FMNL2: variants seen among roughly 807,000 people sequenced by gnomAD.
FMNL2 encodes formin like 2, also known as formin-like protein 2.
Under a neutral mutation model 130.2 loss-of-function variants are expected in FMNL2, and 51 were observed. The observed-to-expected ratio is 0.39, with a 90% CI of 0.31 to 0.49. The LOEUF (loss-of-function observed/expected upper bound fraction) is 0.49, where lower values mean the gene tolerates loss of function less well. FMNL2 is among the 20% of genes least tolerant of loss of function. FMNL2 has a pLI of 0.85. For missense variants in FMNL2, 977 were observed against 1,316.2 expected, an observed-to-expected ratio of 0.74 and a Z score of 3.99; for synonymous variants, 465 against 467.1, an observed-to-expected ratio of 1.00 and a Z score of 0.06.
chr2:152,347,102 ATT>A lies in FMNL2; in HGVS notation c.117+11390_117+11391del, dbSNP rs58322808. Among the ~76,000 whole-genome samples the A allele has an allele frequency of 8.3e-4, 125 of 151,162 alleles. 1 individual carries two copies. The Middle Eastern group carries it at 0.014, about 17-fold the overall frequency. On this transcript the variant is annotated intron_variant, in intron 1 of 25. Coordinates refer to ENST00000288670, the MANE Select transcript of FMNL2 (RefSeq NM_052905.4). ...CGATATTCCGTCTCAAAAAAAAAAA[ATT>A]TTTTTTTCACAAACCAGACACAGTT...
chr2:152,528,527 C>T (rs1693520815), intron 2 of FMNL2, among the ~76,000 whole-genome samples: 2 of 152,172 alleles, frequency 1.3e-5, no homozygotes, highest in African/African-American at 2.4e-5. Flanking sequence ...TGGCCTTCTC[C>T]TCGTCTCTGT....
chr2:152,581,700 GC>G (rs1054438835), intron 9 of FMNL2, among the ~76,000 whole-genome samples: 13 of 152,220 alleles, frequency 8.5e-5, no homozygotes, highest in African/African-American at 3.1e-4. Flanking sequence ...AGGGTAGTGG[GC>G]AGTGTTGTAG....
At chr2:152,422,647 G>C (rs1686981540) in intron 1 of FMNL2, among the ~76,000 whole-genome samples, 1 of 152,024 alleles carries the variant, frequency 6.6e-6, no homozygotes, top group South Asian at 2.1e-4. Context: ...TCCTATCTCA[G>C]CCTCCCCAGG....
chr2:152,446,474 G>T (rs1688342339), intron 1 of FMNL2, among the ~76,000 whole-genome samples: 1 of 152,088 alleles, frequency 6.6e-6, no homozygotes, highest in Non-Finnish European at 1.5e-5. Context: ...TGGAGGTGCA[G>T]TATACTATTC....
intron 1 of FMNL2, among the ~76,000 whole-genome samples, chr2:152,439,483 T>G (rs1486961590): frequency 6.6e-6 from 1 of 152,118 alleles, no homozygotes; most frequent in African/African-American, 2.4e-5. Context: ...GAAAACAGAT[T>G]AAAAAGACAA....
chr2:152,355,660 C>CA (rs1410771484), intron 1 of FMNL2, among the ~76,000 whole-genome samples: 1 of 152,208 alleles, frequency 6.6e-6, no homozygotes, highest in Non-Finnish European at 1.5e-5. Context: ...CTCTTTTGTA[C>CA]AGGCCTTCTT....
intron 9 of FMNL2, among the ~76,000 whole-genome samples, chr2:152,584,736 A>G (rs940926334): frequency 1.4e-4 from 22 of 152,252 alleles, no homozygotes; most frequent in Non-Finnish European, 2.8e-4. Context: ...AAAGGAAGTT[A>G]TTATTTGGCT....
chr2:152,393,035 G>A (rs1224873045), intron 1 of FMNL2, among the ~76,000 whole-genome samples: 1 of 151,932 alleles, frequency 6.6e-6, no homozygotes, highest in African/African-American at 2.4e-5. Flanking sequence ...TCCTCTCCTT[G>A]ATGCTTCGAG....
chr2:152,496,939 A>G (rs1691547953), intron 1 of FMNL2, among the ~76,000 whole-genome samples: 1 of 151,884 alleles, frequency 6.6e-6, no homozygotes, highest in Non-Finnish European at 1.5e-5. Context: ...CAGCCCTGGA[A>G]TCAGTCATTT....
At chr2:152,364,147 A>G (rs186168340) in intron 1 of FMNL2, among the ~76,000 whole-genome samples, 117 of 152,202 alleles carry the variant, frequency 7.7e-4, no homozygotes, top group Admixed American at 1.2e-3. Context: ...TGAGCCAGAG[A>G]AAGCAGAAGT....
chr2:152,603,083 A>G (rs1323341943), intron 9 of FMNL2, among the ~76,000 whole-genome samples: 1 of 152,194 alleles, frequency 6.6e-6, no homozygotes, highest in African/African-American at 2.4e-5. Context: ...GTAATGGAGA[A>G]ACAAATGTGA....
intron 1 of FMNL2, among the ~76,000 whole-genome samples, chr2:152,440,670 G>T (rs917065243): frequency 1.3e-5 from 2 of 152,200 alleles, no homozygotes; most frequent in Non-Finnish European, 2.9e-5. Flanking sequence ...AGAGTAAGTT[G>T]TTACAGGTAG....
At chr2:152,354,545 G>A (rs1013622619) in intron 1 of FMNL2, among the ~76,000 whole-genome samples, 12 of 152,102 alleles carry the variant, frequency 7.9e-5, no homozygotes, top group African/African-American at 2.2e-4. Flanking sequence ...TTTGGGTTGC[G>A]TCCTACGTGA....
At chr2:152,494,944 A>C (rs967002275) in intron 1 of FMNL2, among the ~76,000 whole-genome samples, 4 of 152,340 alleles carry the variant, frequency 2.6e-5, no homozygotes, top group African/African-American at 9.6e-5. Flanking sequence ...GAGGACAAGT[A>C]GAGTAGAAAA....
intron 1 of FMNL2, among the ~76,000 whole-genome samples, chr2:152,480,050 T>C (rs562031169): frequency 1.3e-5 from 2 of 152,298 alleles, no homozygotes; most frequent in African/African-American, 2.4e-5. Flanking sequence ...TTAAATGTAA[T>C]TGGGATTTTG....
In FMNL2 at chr2:152,335,561, G is replaced by C; in HGVS notation, c.-43G>C. ...AGCTGTTCTGATTTCCGACGCGCAC[G>C]CTAGGGGCCCGGAGCAGCCCCCGGC... is the stretch of plus-strand genomic sequence containing the variant. On this transcript the variant is annotated 5_prime_UTR_variant, in exon 1 of 26. Transcript: ENST00000288670. 2.0e-6 allele frequency: 3 copies of C among 1,523,348 alleles called. No homozygotes were observed. Among genetic ancestry groups the C allele is most frequent in the Non-Finnish European group, 2.7e-6 (3 of 1,122,984 alleles). 94.4% of individuals were successfully genotyped at this position (1,523,348 alleles called of 1,614,324 possible). A position where few individuals can be genotyped will look rare whatever the true frequency, so the allele number is the denominator to read the frequency against.
chr2:152,389,860 G>A (rs1414138540), intron 1 of FMNL2: 18 of 1,062,862 alleles, frequency 1.7e-5, no homozygotes, highest in African/African-American at 3.1e-5. Flanking sequence ...TTTCAGCCAC[G>A]ACAATCAGCT....
chr2:152,618,830 T>G lies in FMNL2; in HGVS notation c.1315-16T>G. The G allele has an allele frequency of 6.4e-7, 1 of 1,570,716 alleles. No individual in the cohort carries two copies. Among genetic ancestry groups the G allele is most frequent in the Non-Finnish European group, 8.6e-7 (1 of 1,159,944 alleles). On this transcript the variant is annotated splice_polypyrimidine_tract_variant and intron_variant, in intron 13 of 25. Coordinates refer to ENST00000288670, the MANE Select transcript of FMNL2 (RefSeq NM_052905.4). ...GTTATGTGAAGATAAACTCTTGACC[T>G]TGGACTTTATTGCAGGAAATCTACA... is the stretch of plus-strand genomic sequence containing the variant.
At chr2:152,357,844 A>G (rs1402290732) in intron 1 of FMNL2, among the ~76,000 whole-genome samples, 1 of 152,258 alleles carries the variant, frequency 6.6e-6, no homozygotes, top group Non-Finnish European at 1.5e-5. Context: ...TTCAGTGTCC[A>G]TGGTGACTTT....
Sources: gnomAD v4.1 joint callset for allele counts (sites outside exome capture counted in the v4.1 genomes callset) on GRCh38, gnomAD v4.1.1 for gene constraint, MANE v1.5 for transcripts, NCBI Gene and HGNC (gene_info 2026-07-23, HGNC 2026-07-21) for gene names.